BPIFC: variants seen among roughly 807,000 people sequenced by gnomAD.
BPIFC encodes BPI fold-containing family C protein.
BPIFC carries 60 observed loss-of-function variants against 57.6 expected under a neutral mutation model. The ratio of observed to expected loss-of-function variants is 1.04; its 90% CI spans 0.85 to 1.29. BPIFC has a LOEUF of 1.29. Ranked by LOEUF, BPIFC falls within the 50% of genes most tolerant of loss-of-function variation. The probability of loss-of-function intolerance (pLI) is 0.00; values close to 1 mark genes in which losing one functional copy is unlikely to be tolerated. For missense variants in BPIFC, 581 were observed against 600.5 expected (o/e 0.97, Z 0.34); for synonymous variants, 243 against 224.5 (o/e 1.08, Z -0.74).
rs139576658 is a variant in BPIFC, at chr22:32,432,442, G to A, written c.1080C>T (p.Ile360=). ...GGGTGAGCATCATGATGGAGGCAGG[G>A]ATGTCCAGGGTGAAATTGCCTGGTT... ...NLQPGNFTLD[I]PASIMMLTQP... is the part of the protein sequence containing the mutation. The change falls in exon 12 of 17, where the codon ATC becomes ATT. Residue 360 remains isoleucine, a synonymous_variant. Transcript: ENST00000300399. 112 of 1,614,096 alleles carry A rather than the reference G, an allele frequency of 6.9e-5. No individual in the cohort carries two copies. The highest frequency in any genetic ancestry group is 9.3e-5 in the Non-Finnish European group (110 of 1,180,018).
At chr22:32,458,885 G>C (rs1935100776) in intron 2 of BPIFC, among the ~76,000 whole-genome samples, 1 of 152,208 alleles carries the variant, frequency 6.6e-6, no homozygotes, top group Admixed American at 6.5e-5. Flanking sequence ...TCTGCAAAGA[G>C]TGGGACCACA....
At chr22:32,443,696 T>C (rs955800945) in intron 7 of BPIFC, among the ~76,000 whole-genome samples, 3 of 152,152 alleles carry the variant, frequency 2.0e-5, no homozygotes, top group African/African-American at 7.2e-5. Context: ...GGGCCGAGGG[T>C]TGAATCCCTT....
At chr22:32,457,123 G>T in intron 3 of BPIFC, 140 bp downstream of exon 3, 1 of 968,074 alleles carries the variant, frequency 1.0e-6, no homozygotes, top group Non-Finnish European at 1.5e-6. Flanking sequence ...CATCTTAGCA[G>T]TTTCTGCATA....
chr22:32,437,946 TTC>T (rs1338161918), intron 8 of BPIFC, 95 bp from the exon 9 acceptor site: 26 of 679,384 alleles, frequency 3.8e-5, no homozygotes, highest in Non-Finnish European at 5.6e-5. Flanking sequence ...TAATTTTAAA[TTC>T]TCTGTTTAAA....
intron 8 of BPIFC, among the ~76,000 whole-genome samples, chr22:32,439,840 C>T (rs1317449975): frequency 6.6e-6 from 1 of 152,172 alleles, no homozygotes; most frequent in Non-Finnish European, 1.5e-5. Context: ...GTCTTGAACT[C>T]CTGACCTCAA....
At chr22:32,442,243 G>GT (rs773252705) in intron 8 of BPIFC, among the ~76,000 whole-genome samples, 4 of 152,200 alleles carry the variant, frequency 2.6e-5, no homozygotes, top group Non-Finnish European at 4.4e-5. Context: ...GCAGAGAGAG[G>GT]TAAGTAGGAG....
chr22:32,457,709 T>C (rs145306924), intron 2 of BPIFC, among the ~76,000 whole-genome samples: 1 of 152,302 alleles, frequency 6.6e-6, no homozygotes, highest in East Asian at 1.9e-4. Context: ...GCCCCTGACC[T>C]ATGTTTTTCA....
intron 7 of BPIFC, among the ~76,000 whole-genome samples, chr22:32,443,077 C>A (rs1162596826): frequency 6.6e-6 from 1 of 151,768 alleles, no homozygotes; most frequent in Non-Finnish European, 1.5e-5. Context: ...GCTGCTGTAT[C>A]TTTCCTGACT....
chr22:32,428,354 G>A (rs1025241055), intron 13 of BPIFC, among the ~76,000 whole-genome samples: 4 of 151,442 alleles, frequency 2.6e-5, no homozygotes, highest in African/African-American at 4.9e-5. Context: ...CTGCAGCCTC[G>A]ACTTCTTGGG....
chr22:32,439,256 C>G (rs1193183368), intron 8 of BPIFC, among the ~76,000 whole-genome samples: 1 of 151,778 alleles, frequency 6.6e-6, no homozygotes. Flanking sequence ...ACCCAGGAGG[C>G]GCAGGTTGCG....
At chr22:32,416,502 T>G (rs917642492) in intron 15 of BPIFC, among the ~76,000 whole-genome samples, 7 of 152,254 alleles carry the variant, frequency 4.6e-5, no homozygotes, top group African/African-American at 1.7e-4. Flanking sequence ...TAATAAAAAA[T>G]GCACCTACAA....
At position 32,435,776 on chromosome 22, in the gene BPIFC, C is replaced by T. The variant is rs150967527; in HGVS notation, c.852G>A (p.Glu284=). 1 of 1,614,034 alleles carries T rather than the reference C, an allele frequency of 6.2e-7. No individual in the cohort carries two copies. The highest frequency in any genetic ancestry group is 8.5e-7 in the Non-Finnish European group (1 of 1,180,040). The change falls in exon 10 of 17, where the codon GAG becomes GAA. Residue 284 remains glutamate (E), a synonymous_variant. Coordinates refer to ENST00000300399, the MANE Select transcript of BPIFC (RefSeq NM_174932.3). ...CAAAGGACGCAGATTTAAAGAAATA[C>T]TCGGCGATTCCAATGTAGAGCATGG... ...SNSMLYIGIA[E]YFFKSASFAH...
intron 4 of BPIFC, among the ~76,000 whole-genome samples, chr22:32,448,677 C>G (rs375076720): frequency 6.6e-6 from 1 of 152,050 alleles, no homozygotes; most frequent in East Asian, 1.9e-4. Context: ...CGGTGGCTCA[C>G]GCCTGTAATC....
At chr22:32,436,366 AGG>A (rs748015816) in intron 9 of BPIFC, among the ~76,000 whole-genome samples, 1 of 100,188 alleles carries the variant, frequency 1.0e-5, no homozygotes, top group African/African-American at 3.2e-5. Flanking sequence ...GAGGAGGAGG[AGG>A]AGGAGGAGGA....
At chr22:32,429,529 T>TG (rs1934177538) in intron 13 of BPIFC, among the ~76,000 whole-genome samples, 1 of 140,880 alleles carries the variant, frequency 7.1e-6, no homozygotes, top group African/African-American at 2.6e-5. Context: ...TTTTTTTTTT[T>TG]TTTTTTTCAT....
At position 32,415,937 on chromosome 22, in the gene BPIFC, T is replaced by A; in HGVS notation, c.1379A>T (p.Asn460Ile). ...TACCTCAAGAACTTCAATATCTGAATTGACGAATAAGAATTTGTGTGGATT... is the reference window on the plus strand; with the variant it reads ...TACCTCAAGAACTTCAATATCTGAAATGACGAATAAGAATTTGTGTGGATT... ...LSNPHKFLFV[N>I]SDIEVLEGFL... Residue 460 changes from asparagine (N) to isoleucine (I), a missense_variant, in exon 16 of 17, where the codon AAT becomes ATT. Asn to Ile is a moderately radical substitution (Grantham distance 149). Coordinates refer to ENST00000300399, the MANE Select transcript of BPIFC (RefSeq NM_174932.3). The A allele has an allele frequency of 6.3e-7, 1 of 1,593,560 alleles. No individual in the cohort carries two copies. The highest frequency in any genetic ancestry group is 2.3e-5 in the East Asian group (1 of 43,774).
intron 14 of BPIFC, 88 bp from the exon 15 acceptor site, chr22:32,417,236 T>C: frequency 1.1e-6 from 1 of 932,746 alleles, no homozygotes; most frequent in Non-Finnish European, 1.7e-6. Context: ...AGTGCAGTAG[T>C]GTGATCATGG....
chr22:32,414,804 A>T (rs77046118), intron 16 of BPIFC, among the ~76,000 whole-genome samples: 1,730 of 152,172 alleles, frequency 0.011, 14 homozygotes, highest in Middle Eastern at 0.031. Context: ...CAGCTGAGAG[A>T]TGGTTTCTTT....
intron 13 of BPIFC, among the ~76,000 whole-genome samples, chr22:32,421,575 T>C (rs1287755390): frequency 1.3e-5 from 2 of 152,166 alleles, no homozygotes; most frequent in African/African-American, 4.8e-5. Context: ...GCATGTCTGA[T>C]AGAGATACTC....
Sources: allele counts gnomAD v4.1 joint callset (sites outside exome capture counted in the v4.1 genomes callset), GRCh38; gene constraint gnomAD v4.1.1; transcripts MANE v1.5; gene names NCBI Gene and HGNC (gene_info 2026-07-23, HGNC 2026-07-21).